AKR1A1: variants seen among roughly 807,000 people sequenced by gnomAD.
The protein encoded by AKR1A1 is HEL-S-165mP.
AKR1A1 carries 26 observed loss-of-function variants against 39.2 expected under a neutral mutation model. That is an observed-to-expected ratio of 0.66 (90% CI 0.49 to 0.92). The LOEUF (loss-of-function observed/expected upper bound fraction) is 0.92. AKR1A1 is among the 40% of genes least tolerant of loss of function. The pLI, the probability that AKR1A1 is intolerant of heterozygous loss-of-function variation, is 0.00. For missense variants in AKR1A1, 378 were observed against 406.5 expected, an observed-to-expected ratio of 0.93 and a Z score of 0.60; for synonymous variants, 141 against 155.5, an observed-to-expected ratio of 0.91 and a Z score of 0.69.
chr1:45,553,385 G>C (rs1473518881), intron 1 of AKR1A1, among the ~76,000 whole-genome samples: 1 of 151,362 alleles, frequency 6.6e-6, no homozygotes, highest in African/African-American at 2.4e-5. Flanking sequence ...TCACACCACT[G>C]TACTCCAGCC....
chr1:45,567,380 G>A (rs1027631482), intron 4 of AKR1A1: 6 of 206,166 alleles, frequency 2.9e-5, no homozygotes, highest in Non-Finnish European at 5.8e-5. Flanking sequence ...TTAGTGCCGT[G>A]CCCTGTGCTG....
intron 5 of AKR1A1, 77 bp downstream of exon 5, chr1:45,568,254 A>G (rs895179458): frequency 3.4e-6 from 5 of 1,466,942 alleles, no homozygotes; most frequent in Admixed American, 2.1e-5. Flanking sequence ...GGATCTGCTT[A>G]AGGGAGATAG....
Position 45,569,943 on chromosome 1 carries a change from A to G in AKR1A1, c.965A>G (p.Asn322Ser), listed in dbSNP as rs1644393429. The G allele has an allele frequency of 6.2e-7, 1 of 1,614,018 alleles. No homozygotes were observed. The highest frequency in any genetic ancestry group is 1.3e-5 in the African/African-American group (1 of 74,924). Residue 322 changes from asparagine (N) to serine (S), a missense_variant, in exon 9 of 9, where the codon AAT becomes AGT. Coordinates refer to ENST00000351829, the MANE Select transcript of AKR1A1 (RefSeq NM_153326.3). ...RDAGHPLYPF[N>S]DPY ...GCAGGGCATCCTCTGTACCCCTTTA[A>G]TGACCCGTACTGAGACCACAGCTTC...
chr1:45,568,219 T>G, intron 5 of AKR1A1, 42 bp downstream of exon 5: 2 of 1,571,700 alleles, frequency 1.3e-6, no homozygotes, highest in Non-Finnish European at 1.7e-6. Flanking sequence ...GGTTGTCTGC[T>G]CAAGAGCATG....
intron 1 of AKR1A1, among the ~76,000 whole-genome samples, chr1:45,554,060 A>T (rs768630374): frequency 2.1e-4 from 32 of 151,532 alleles, no homozygotes; most frequent in Admixed American, 8.6e-4. Context: ...CCAGCACTTT[A>T]GGAGGCCAAG....
chr1:45,557,083 G>T (rs1387291413), intron 1 of AKR1A1, among the ~76,000 whole-genome samples: 1 of 146,762 alleles, frequency 6.8e-6, no homozygotes, highest in Non-Finnish European at 1.5e-5. Flanking sequence ...CCAGCTACTG[G>T]GGAGGCTGAG....
chr1:45,568,770 G>C, intron 6 of AKR1A1, 86 bp downstream of exon 6: 2 of 1,561,932 alleles, frequency 1.3e-6, no homozygotes, highest in Middle Eastern at 2.3e-4. Context: ...TGAGGCTGAG[G>C]ATCTTGCCTT....
chr1:45,561,719 G>A (rs931687524), intron 1 of AKR1A1, 70 bp from the exon 2 acceptor site: 7 of 1,496,806 alleles, frequency 4.7e-6, no homozygotes, highest in Non-Finnish European at 2.8e-6. Context: ...CAGTATTCTT[G>A]ACAGTGGAAA....
In AKR1A1 at chr1:45,566,562, C is replaced by A; in HGVS notation, c.85-7C>A. ...TAGCTGAAACCTCTGCTTCTCTCACCTGGCAGGTAAAAGCAGCTGTTAAGT... is the reference window on the plus strand; with the variant it reads ...TAGCTGAAACCTCTGCTTCTCTCACATGGCAGGTAAAAGCAGCTGTTAAGT... On this transcript the variant is annotated splice_region_variant and splice_polypyrimidine_tract_variant and intron_variant, in intron 2 of 8. Transcript: ENST00000351829. 1.9e-6 allele frequency: 3 copies of A among 1,614,040 alleles called. No individual in the cohort carries two copies. Among genetic ancestry groups the A allele is most frequent in the Non-Finnish European group, 2.5e-6 (3 of 1,179,964 alleles).
At chr1:45,563,387 A>C (rs1644302642) in intron 2 of AKR1A1, among the ~76,000 whole-genome samples, 1 of 151,772 alleles carries the variant, frequency 6.6e-6, no homozygotes, top group African/African-American at 2.4e-5. Context: ...GCAACAGAGC[A>C]AGACTCCGTC....
At chr1:45,564,730 A>G (rs1224856251) in intron 2 of AKR1A1, among the ~76,000 whole-genome samples, 2 of 151,946 alleles carry the variant, frequency 1.3e-5, no homozygotes, top group East Asian at 1.9e-4. Context: ...TCCATGGTCT[A>G]TACTTCTTTT....
rs1570914154 is a variant in AKR1A1 at position 45,566,970 on chromosome 1, C to G, written c.306C>G (p.Leu102=). The G allele has an allele frequency of 6.2e-7, 1 of 1,614,250 alleles. No homozygotes were observed. The highest frequency in any genetic ancestry group is 8.5e-7 in the Non-Finnish European group (1 of 1,180,044). ...CCCTCCGGAAGACTCTGGCTGACCT[C>G]CAGCTGGAGTATCTGGACCTGTACC... ...EPALRKTLAD[L]QLEYLDLYLM... The change falls in exon 4 of 9, where the codon CTC becomes CTG. Residue 102 remains leucine, a synonymous_variant. Coordinates refer to ENST00000351829, the MANE Select transcript of AKR1A1 (RefSeq NM_153326.3).
At chr1:45,567,796 C>T (rs933664247) in intron 4 of AKR1A1, 186 bp from the exon 5 acceptor site, 2 of 528,812 alleles carry the variant, frequency 3.8e-6, no homozygotes, top group Admixed American at 3.4e-5. Flanking sequence ...CACTGCACTC[C>T]AGCCTGGGCG....
Position 45,565,767 on chromosome 1 carries a change from G to A in AKR1A1, c.85-802G>A, listed in dbSNP as rs143682608. ...TGGGATTATAGGCGTGAGCCACCAC[G>A]CCTGGCCTTAATTTTTTTTTTTTTT... On this transcript the variant is annotated intron_variant, in intron 2 of 8. Coordinates refer to ENST00000351829, the MANE Select transcript of AKR1A1 (RefSeq NM_153326.3). Among the ~76,000 whole-genome samples the A allele has an allele frequency of 6.8e-3, 1,032 of 151,662 alleles. 8 individuals carry two copies. The highest frequency in any genetic ancestry group is 0.024 in the African/African-American group (996 of 41,286).
At chr1:45,565,754 C>T (rs1296189481) in intron 2 of AKR1A1, among the ~76,000 whole-genome samples, 2 of 150,212 alleles carry the variant, frequency 1.3e-5, no homozygotes, top group African/African-American at 2.4e-5. Context: ...GGATTATAGG[C>T]GTGAGCCACC....
chr1:45,564,651 T>A (rs970026665), intron 2 of AKR1A1, among the ~76,000 whole-genome samples: 6 of 152,138 alleles, frequency 3.9e-5, no homozygotes, highest in African/African-American at 1.2e-4. Flanking sequence ...CACAACTCCC[T>A]GTATGTCCTT....
chr1:45,561,391 C>T (rs1167071214), intron 1 of AKR1A1, among the ~76,000 whole-genome samples: 1 of 113,702 alleles, frequency 8.8e-6, no homozygotes, highest in East Asian at 3.0e-4. Context: ...ACACATCTGT[C>T]CCCTCTTCCC....
intron 5 of AKR1A1, 32 bp downstream of exon 5, chr1:45,568,209 G>A (rs772819234): frequency 6.3e-7 from 1 of 1,587,060 alleles, no homozygotes; most frequent in Admixed American, 1.8e-5. Flanking sequence ...GTGGTTTAGG[G>A]GTTGTCTGCT....
intron 3 of AKR1A1, 74 bp downstream of exon 3, chr1:45,566,762 G>A (rs1644349536): frequency 1.3e-6 from 2 of 1,598,868 alleles, no homozygotes; most frequent in Non-Finnish European, 1.7e-6. Context: ...GGCCCAGCTG[G>A]AGGGAATCTG....
Sources: gnomAD v4.1 joint callset for allele counts (sites outside exome capture counted in the v4.1 genomes callset) on GRCh38, gnomAD v4.1.1 for gene constraint, MANE v1.5 for transcripts, NCBI Gene and HGNC (gene_info 2026-07-23, HGNC 2026-07-21) for gene names.